STK38: variants seen among roughly 807,000 people sequenced by gnomAD.
STK38 encodes serine/threonine-protein kinase 38.
Under a neutral mutation model 59.0 loss-of-function variants are expected in STK38, and 26 were observed. The ratio of observed to expected loss-of-function variants is 0.44; its 90% confidence interval spans 0.32 to 0.61. The LOEUF is 0.61. STK38 is among the 20% of genes least tolerant of loss of function. The pLI is 0.04. For synonymous variants in STK38, 175 were observed against 176.6 expected (o/e 0.99, Z 0.07); for missense variants, 433 against 566.0 (o/e 0.76, Z 2.38).
intron 1 of STK38, among the ~76,000 whole-genome samples, chr6:36,542,470 TA>T (rs1160755400): frequency 6.6e-6 from 1 of 152,202 alleles, no homozygotes; most frequent in Non-Finnish European, 1.5e-5. Context: ...AGTTATAGAA[TA>T]TTTTTTTCCT....
At chr6:36,507,410 A>C in intron 8 of STK38, 90 bp downstream of exon 8, 1 of 1,045,496 alleles carries the variant, frequency 9.6e-7, no homozygotes. Flanking sequence ...AAGTGTGAGA[A>C]TCTCCTATCT....
At chr6:36,539,414 T>A (rs535930563) in intron 2 of STK38, among the ~76,000 whole-genome samples, 2 of 151,792 alleles carry the variant, frequency 1.3e-5, no homozygotes, top group African/African-American at 2.4e-5. Flanking sequence ...ATAAATAAAT[T>A]ATGAGTTACT....
At chr6:36,518,803 G>C (rs1777316220) in intron 5 of STK38, among the ~76,000 whole-genome samples, 1 of 152,202 alleles carries the variant, frequency 6.6e-6, no homozygotes, top group Admixed American at 6.5e-5. Context: ...TCCAATCCCT[G>C]AATAGTGGTT....
At chr6:36,497,732 A>T in intron 12 of STK38, 48 bp downstream of exon 12, 1 of 1,469,520 alleles carries the variant, frequency 6.8e-7, no homozygotes, top group Non-Finnish European at 9.4e-7. Flanking sequence ...TTATTAAGTA[A>T]ACTAGAGACT....
intron 2 of STK38, among the ~76,000 whole-genome samples, chr6:36,535,378 G>A (rs1777764311): frequency 6.6e-6 from 1 of 151,736 alleles, no homozygotes; most frequent in South Asian, 2.1e-4. Flanking sequence ...GAACATGGGA[G>A]GCGGAGGTTG....
At chr6:36,496,471 GA>G (rs1237353589) in intron 13 of STK38, among the ~76,000 whole-genome samples, 8 of 152,080 alleles carry the variant, frequency 5.3e-5, no homozygotes, top group Non-Finnish European at 1.2e-4. Flanking sequence ...AATAACAAAA[GA>G]ACAGATTTTT....
rs1301172590 is a variant in STK38, at chr6:36,496,878, A to C, written c.1173-73T>G. The C allele has an allele frequency of 2.8e-6, 3 of 1,082,604 alleles. No individual in the cohort carries two copies. The African/African-American group carries it at 4.8e-5, about 17-fold the overall frequency. 67.1% of individuals were successfully genotyped at this position (1,082,604 alleles called of 1,614,324 possible). On this transcript the variant is annotated intron_variant, in intron 12 of 13. Transcript: ENST00000229812. ...GATCATACCAATCAAGTCTTTCTCC[A>C]AAAAAGACCCCTGGTCTGACATGAG...
intron 9 of STK38, among the ~76,000 whole-genome samples, chr6:36,505,151 T>G (rs564834776): frequency 6.6e-6 from 1 of 152,184 alleles, no homozygotes; most frequent in Non-Finnish European, 1.5e-5. Flanking sequence ...ATAATTTCTG[T>G]GGGTGGAACC....
At chr6:36,502,221 C>T (rs986707931) in intron 9 of STK38, among the ~76,000 whole-genome samples, 1 of 152,112 alleles carries the variant, frequency 6.6e-6, no homozygotes, top group Non-Finnish European at 1.5e-5. Flanking sequence ...TAGCTCACTG[C>T]AGCCTTGAAA....
chr6:36,507,887 T>A (rs1777004857), intron 7 of STK38, among the ~76,000 whole-genome samples: 1 of 152,088 alleles, frequency 6.6e-6, no homozygotes, highest in Non-Finnish European at 1.5e-5. Context: ...ATTTTACTAC[T>A]TCTTGTACTC....
intron 2 of STK38, among the ~76,000 whole-genome samples, chr6:36,529,034 A>G (rs1280384741): frequency 2.0e-5 from 3 of 152,244 alleles, no homozygotes; most frequent in African/African-American, 4.8e-5. Flanking sequence ...CCTATCCATG[A>G]TAACAATTAG....
intron 7 of STK38, among the ~76,000 whole-genome samples, chr6:36,507,930 AT>A (rs35789250): frequency 0.042 from 4,784 of 113,144 alleles, 72 homozygotes; most frequent in Middle Eastern, 0.049. Context: ...GGTATTCAGA[AT>A]TTTTTTTTTT....
At chr6:36,533,504 GA>G (rs1182195422) in intron 2 of STK38, among the ~76,000 whole-genome samples, 3 of 152,136 alleles carry the variant, frequency 2.0e-5, no homozygotes, top group African/African-American at 7.2e-5. Context: ...TGGAACCACT[GA>G]AACTTTTAGA....
chr6:36,509,532 G>A (rs2127472197), intron 7 of STK38, among the ~76,000 whole-genome samples: 1 of 148,802 alleles, frequency 6.7e-6, no homozygotes, highest in South Asian at 2.1e-4. Context: ...AGAAACTGAT[G>A]TAGATAAGTT....
chr6:36,512,862 G>A (rs1214067906), intron 7 of STK38, among the ~76,000 whole-genome samples: 1 of 151,982 alleles, frequency 6.6e-6, no homozygotes, highest in Non-Finnish European at 1.5e-5. Flanking sequence ...GTTTCACCAT[G>A]TTGTCCAAGC....
At chr6:36,536,619 C>T (rs546013477) in intron 2 of STK38, among the ~76,000 whole-genome samples, 117 of 152,098 alleles carry the variant, frequency 7.7e-4, no homozygotes, top group Middle Eastern at 3.4e-3. Flanking sequence ...CCACAAACTC[C>T]GCCTCCTGGG....
chr6:36,525,082 G>C (rs1313800505), intron 3 of STK38, among the ~76,000 whole-genome samples: 1 of 152,122 alleles, frequency 6.6e-6, no homozygotes, highest in African/African-American at 2.4e-5. Context: ...CGGGGCATGG[G>C]GGGAAAGGGA....
At chr6:36,538,785 G>A (rs546804747) in intron 2 of STK38, among the ~76,000 whole-genome samples, 24 of 151,042 alleles carry the variant, frequency 1.6e-4, no homozygotes, top group Non-Finnish European at 3.4e-4. Context: ...CCAGCTACTC[G>A]GGAGGCTGAG....
intron 4 of STK38, among the ~76,000 whole-genome samples, chr6:36,523,636 G>A (rs1390534903): frequency 6.6e-6 from 1 of 152,110 alleles, no homozygotes; most frequent in Non-Finnish European, 1.5e-5. Flanking sequence ...TCCAGTTTGG[G>A]CATTTTTCAT....
Sources: gnomAD v4.1 joint callset for allele counts (sites outside exome capture counted in the v4.1 genomes callset) on GRCh38, gnomAD v4.1.1 for gene constraint, MANE v1.5 for transcripts, NCBI Gene and HGNC (gene_info 2026-07-23, HGNC 2026-07-21) for gene names.